STAT4: variants seen among roughly 807,000 people sequenced by gnomAD.
The protein encoded by STAT4 is signal transducer and activator of transcription 4.
Under a neutral mutation model 110.5 loss-of-function variants are expected in STAT4, and 42 were observed. The observed-to-expected ratio is 0.38, with a 90% CI of 0.30 to 0.49. The LOEUF (loss-of-function observed/expected upper bound fraction) is 0.49, where lower values mean the gene tolerates loss of function less well. STAT4 is among the 20% of genes least tolerant of loss of function. The probability of loss-of-function intolerance (pLI) is 0.95; values close to 1 mark genes in which losing one functional copy is unlikely to be tolerated. For missense variants in STAT4, 632 were observed against 887.9 expected (o/e 0.71, Z 3.66); for synonymous variants, 284 against 302.2 (o/e 0.94, Z 0.63).
chr2:191,074,904 T>C (rs1697268537), intron 4 of STAT4, among the ~76,000 whole-genome samples: 1 of 152,166 alleles, frequency 6.6e-6, no homozygotes, highest in South Asian at 2.1e-4. Context: ...CTCACACCTG[T>C]AATCCCAGCA....
At chr2:191,049,444 G>A (rs1696458580) in intron 14 of STAT4, among the ~76,000 whole-genome samples, 1 of 152,004 alleles carries the variant, frequency 6.6e-6, no homozygotes, top group Admixed American at 6.6e-5. Context: ...CCAAAGTGCT[G>A]GGATTACAGG....
chr2:191,075,850 T>TTG (rs1387282349), intron 4 of STAT4, among the ~76,000 whole-genome samples: 1 of 149,386 alleles, frequency 6.7e-6, no homozygotes, highest in African/African-American at 2.5e-5. Context: ...TTTTTTTTTT[T>TTG]TTTTTTGTTT....
Position 191,146,853 on chromosome 2 carries a change from G to T in STAT4, c.129-96C>A. On this transcript the variant is annotated intron_variant, in intron 2 of 23. Coordinates refer to ENST00000392320, the MANE Select transcript of STAT4 (RefSeq NM_003151.4). This position sits in a 1 kb window ranked among gnomAD's most constrained non-coding sequence, Gnocchi z 4.5. ...CTTTAAAACAATAAACCTATTACAT[G>T]GTGATAAGCATTTAAAAGTTTTAAA... The T allele has an allele frequency of 1.7e-6, 2 of 1,179,140 alleles. No individual in the cohort carries two copies. The highest frequency in any genetic ancestry group is 2.2e-6 in the Non-Finnish European group (2 of 898,630). The allele number at this position is 1,179,140 out of a possible 1,614,324, so 73.0% of individuals were successfully genotyped here. A position where few individuals can be genotyped will look rare whatever the true frequency, so the allele number is the denominator to read the frequency against.
chr2:191,089,771 A>T (rs1442000214), intron 3 of STAT4, among the ~76,000 whole-genome samples: 1 of 152,228 alleles, frequency 6.6e-6, no homozygotes, highest in African/African-American at 2.4e-5. Context: ...TGAAATTTAC[A>T]TGCATATTAC....
In STAT4 at chr2:191,146,357, A is replaced by T. The variant is rs1699459544; in HGVS notation, c.273+256T>A. The stretch of plus-strand genomic sequence containing the variant: ...GTTGTTGAACTGAATCATAGCTAGT[A>T]AACAAGATACATGCAAGTCCCACAT... On this transcript the variant is annotated intron_variant, in intron 3 of 23. Coordinates refer to ENST00000392320, the MANE Select transcript of STAT4 (RefSeq NM_003151.4). The surrounding 1 kb of genome is among the most constrained non-coding windows in gnomAD (Gnocchi z 4.5). Among the ~76,000 whole-genome samples, 1 of 152,190 alleles carries T rather than the reference A, an allele frequency of 6.6e-6. No homozygotes were observed. Among genetic ancestry groups the T allele is most frequent in the Non-Finnish European group, 1.5e-5 (1 of 68,028 alleles).
chr2:191,029,925 A>T lies in STAT4; in HGVS notation c.2221-59T>A. ...ACTACTGGTTTTCAAATCAATCACT[A>T]TTTCTTGGGCAAATAAACGTCCTCT... is the stretch of plus-strand genomic sequence containing the variant. On this transcript the variant is annotated intron_variant, in intron 23 of 23. Coordinates refer to ENST00000392320, the MANE Select transcript of STAT4 (RefSeq NM_003151.4). The surrounding 1 kb of genome is among the most constrained non-coding windows in gnomAD (Gnocchi z 4.5). 1 of 1,347,590 alleles carries T rather than the reference A, an allele frequency of 7.4e-7. No homozygotes were observed. The highest frequency in any genetic ancestry group is 1.0e-6 in the Non-Finnish European group (1 of 963,326). 83.5% of individuals were successfully genotyped at this position (1,347,590 alleles called of 1,614,324 possible).
At position 191,131,673 on chromosome 2, in the gene STAT4, C is replaced by T. The variant is rs112789495; in HGVS notation, c.273+14940G>A. The T allele has an allele frequency of 1.3e-5, 11 of 877,078 alleles. 2 individuals are homozygous for T. The African/African-American group carries it at 1.6e-4, about 13-fold the overall frequency. 54.3% of individuals were successfully genotyped at this position (877,078 alleles called of 1,614,324 possible). A position where few individuals can be genotyped will look rare whatever the true frequency, so the allele number is the denominator to read the frequency against. On this transcript the variant is annotated intron_variant, in intron 3 of 23. Coordinates refer to ENST00000392320, the MANE Select transcript of STAT4 (RefSeq NM_003151.4). ...CAAGAGGCTTCAAAGGTAATGGTAACATCTGGGTATAAAATGTCAACAACA... is the reference window on the plus strand; with the variant it reads ...CAAGAGGCTTCAAAGGTAATGGTAATATCTGGGTATAAAATGTCAACAACA...
At chr2:191,069,419 G>T (rs1697082549) in intron 6 of STAT4, among the ~76,000 whole-genome samples, 1 of 152,086 alleles carries the variant, frequency 6.6e-6, no homozygotes, top group Admixed American at 6.6e-5. Flanking sequence ...TGAAGTAGGG[G>T]TAATTCCTCA....
intron 3 of STAT4, among the ~76,000 whole-genome samples, chr2:191,097,094 C>G (rs1196161365): frequency 2.0e-5 from 3 of 152,168 alleles, no homozygotes; most frequent in Non-Finnish European, 4.4e-5. Flanking sequence ...AGGAAAAACA[C>G]AAACCACTGC....
At chr2:191,101,476 T>A (rs1574156117) in intron 3 of STAT4, among the ~76,000 whole-genome samples, 2 of 152,296 alleles carry the variant, frequency 1.3e-5, no homozygotes, top group South Asian at 4.1e-4. Context: ...GGCCACTCCA[T>A]AAGCCAACAA....
In STAT4 at chr2:191,043,620, A is replaced by T. The variant is rs1312455896; in HGVS notation, c.1252-2472T>A. Among the ~76,000 whole-genome samples, 1 of 147,182 alleles carries T rather than the reference A, an allele frequency of 6.8e-6. No individual in the cohort carries two copies. The highest frequency in any genetic ancestry group is 1.5e-5 in the Non-Finnish European group (1 of 66,258). On this transcript the variant is annotated intron_variant, in intron 14 of 23. Coordinates refer to ENST00000392320, the MANE Select transcript of STAT4 (RefSeq NM_003151.4). The surrounding 1 kb of genome is among the most constrained non-coding windows in gnomAD (Gnocchi z 4.8). The stretch of plus-strand genomic sequence containing the variant: ...AGGTCAAAGATTTTTTGCACTCATT[A>T]AAAAAAAAAGACATGTAGAAGAATG...
chr2:191,069,592 C>G, intron 6 of STAT4, 101 bp downstream of exon 6: 1 of 893,982 alleles, frequency 1.1e-6, no homozygotes, highest in South Asian at 1.4e-5. Flanking sequence ...CTAGGCTCAC[C>G]TAAGGAAGTA....
intron 3 of STAT4, among the ~76,000 whole-genome samples, chr2:191,088,994 G>A (rs916372566): frequency 6.6e-6 from 1 of 152,100 alleles, no homozygotes; most frequent in Non-Finnish European, 1.5e-5. Context: ...CGTCTTAGAA[G>A]ATAACAGAAA....
At chr2:191,095,676 C>T (rs1472937838) in intron 3 of STAT4, among the ~76,000 whole-genome samples, 5 of 152,024 alleles carry the variant, frequency 3.3e-5, no homozygotes, top group African/African-American at 4.8e-5. Context: ...GATCTAAAAT[C>T]GATACCCTAA....
Position 191,066,310 on chromosome 2 carries a change from C to T in STAT4, c.630+120G>A, listed in dbSNP as rs1186412347. On this transcript the variant is annotated intron_variant, in intron 7 of 23. Transcript: ENST00000392320. This position sits in a 1 kb window ranked among gnomAD's most constrained non-coding sequence, Gnocchi z 4.3. ...GTGGGACTGTTCCTAGAAACCTTGC[C>T]GTTTCTTCATTCAGTAAATGGAACT... 1.0e-5 allele frequency: 9 copies of T among 867,962 alleles called. No homozygotes were observed. The highest frequency in any genetic ancestry group is 3.4e-5 in the African/African-American group (2 of 59,420). 53.8% of individuals were successfully genotyped at this position (867,962 alleles called of 1,614,324 possible). A position where few individuals can be genotyped will look rare whatever the true frequency, so the allele number is the denominator to read the frequency against.
At position 191,030,942 on chromosome 2, in the gene STAT4, G is replaced by T; in HGVS notation, c.2220+30C>A. ...CCTTTGCATCGTTGGAAACACCTTTGACCAGCAATGGAAAATAAAGGGAAC... is the reference window on the plus strand; with the variant it reads ...CCTTTGCATCGTTGGAAACACCTTTTACCAGCAATGGAAAATAAAGGGAAC... On this transcript the variant is annotated intron_variant, in intron 23 of 23. Transcript: ENST00000392320. This position sits in a 1 kb window ranked among gnomAD's most constrained non-coding sequence, Gnocchi z 4.4. 6.3e-7 allele frequency: 1 copy of T among 1,597,604 alleles called. No individual in the cohort carries two copies. The highest frequency in any genetic ancestry group is 1.1e-5 in the South Asian group (1 of 90,618).
At chr2:191,133,082 G>A (rs1327234982) in intron 3 of STAT4, among the ~76,000 whole-genome samples, 1 of 151,094 alleles carries the variant, frequency 6.6e-6, no homozygotes, top group East Asian at 1.9e-4. Context: ...ATTAACTTGA[G>A]TGGAATTTCT....
Position 191,146,336 on chromosome 2 carries a change from T to C in STAT4, c.273+277A>G, listed in dbSNP as rs1233015468. Among the ~76,000 whole-genome samples the C allele has an allele frequency of 1.3e-5, 2 of 152,186 alleles. No homozygotes were observed. Among genetic ancestry groups the C allele is most frequent in the Non-Finnish European group, 2.9e-5 (2 of 68,022 alleles). On this transcript the variant is annotated intron_variant, in intron 3 of 23. Coordinates refer to ENST00000392320, the MANE Select transcript of STAT4 (RefSeq NM_003151.4). The surrounding 1 kb of genome is among the most constrained non-coding windows in gnomAD (Gnocchi z 4.5). ...TGAAACTGTGGTCTGGTCAGTGTTG[T>C]TGAACTGAATCATAGCTAGTAAACA...
Position 191,032,894 on chromosome 2 carries a change from C to T in STAT4, c.2044+64G>A. 6.8e-7 allele frequency: 1 copy of T among 1,480,404 alleles called. No homozygotes were observed. The highest frequency in any genetic ancestry group is 9.1e-7 in the Non-Finnish European group (1 of 1,093,466). 91.7% of individuals were successfully genotyped at this position (1,480,404 alleles called of 1,614,324 possible). On this transcript the variant is annotated intron_variant, in intron 21 of 23. Transcript: ENST00000392320. This position sits in a 1 kb window ranked among gnomAD's most constrained non-coding sequence, Gnocchi z 4.9. ...AAGGGGAACTTCATTTACTTTGCTC[C>T]AATATGAGGTTATTTTCCAAAATCT...
Sources: allele counts gnomAD v4.1 joint callset (sites outside exome capture counted in the v4.1 genomes callset), GRCh38; gene constraint gnomAD v4.1.1; non-coding constraint Gnocchi (gnomAD v3.1); transcripts MANE v1.5; gene names NCBI Gene and HGNC (gene_info 2026-07-23, HGNC 2026-07-21).